DCT: variants seen among roughly 807,000 people sequenced by gnomAD.
The protein encoded by DCT is dopachrome tautomerase.
In DCT, 47 loss-of-function variants were observed where a neutral mutation model predicts 53.0. The observed-to-expected ratio is 0.89, with a 90% CI of 0.70 to 1.13. DCT has a LOEUF of 1.13. Among genes scored for constraint, DCT ranks in the 50% most tolerant of loss-of-function variants. The pLI is 0.00. For missense variants in DCT, 669 were observed against 637.4 expected (o/e 1.05, Z -0.53); for synonymous variants, 244 against 237.0 (o/e 1.03, Z -0.27).
At chr13:94,440,273 T>C (rs575559071) in intron 7 of DCT, among the ~76,000 whole-genome samples, 197 bp from the exon 8 acceptor site, 4 of 152,236 alleles carry the variant, frequency 2.6e-5, no homozygotes, top group Admixed American at 2.6e-4. Context: ...TAGTCAGAAC[T>C]GGCATCCCAT....
the DCT span, among the ~76,000 whole-genome samples, chr13:94,526,842 G>A: frequency 6.6e-6 from 1 of 152,122 alleles, no homozygotes; most frequent in Non-Finnish European, 1.5e-5. Context: ...GAAACACCAG[G>A]GGTCTAGGGA....
chr13:94,529,591 A>G, the DCT span, among the ~76,000 whole-genome samples: 2 of 152,334 alleles, frequency 1.3e-5, no homozygotes, highest in Middle Eastern at 3.4e-3. Context: ...TTTGAAACCA[A>G]TGAGAACAAA....
At chr13:94,493,249 T>C in the DCT span, among the ~76,000 whole-genome samples, 1 of 152,094 alleles carries the variant, frequency 6.6e-6, no homozygotes, top group Non-Finnish European at 1.5e-5. Flanking sequence ...AAATTTAGAC[T>C]TCTACAGGAT....
the DCT span, among the ~76,000 whole-genome samples, chr13:94,535,906 C>T: frequency 3.9e-5 from 6 of 152,232 alleles, no homozygotes; most frequent in African/African-American, 9.6e-5. Flanking sequence ...TTTCCCTCTT[C>T]GAGGAAGAAT....
At position 94,465,654 on chromosome 13, in the gene DCT, C is replaced by A. The variant is rs1884130529; in HGVS notation, c.842G>T (p.Ser281Ile). The A allele has an allele frequency of 6.2e-7, 1 of 1,613,528 alleles. No individual in the cohort carries two copies. Among genetic ancestry groups the A allele is most frequent in the Non-Finnish European group, 8.5e-7 (1 of 1,179,784 alleles). The stretch of plus-strand genomic sequence containing the variant: ...TTACCTATCACAGACAGTTTCCCAG[C>A]TGGAGAATCTTGAGTTCCGACTAAT... ...TLISRNSRFS[S>I]WETVCDSLDD... is the part of the protein sequence containing the mutation. The change falls in exon 4 of 8, where the codon AGC (serine) becomes ATC (isoleucine). Residue 281 changes from serine to isoleucine, a missense_variant. Physicochemically the swap from Ser to Ile is moderately radical, Grantham distance 142. Coordinates refer to ENST00000377028, the MANE Select transcript of DCT (RefSeq NM_001922.5).
chr13:94,528,551 G>A, the DCT span, among the ~76,000 whole-genome samples: 1 of 152,186 alleles, frequency 6.6e-6, no homozygotes, highest in South Asian at 2.1e-4. Flanking sequence ...AGCTTCATAA[G>A]TGAAGGAGAA....
At chr13:94,492,524 T>A in the DCT span, among the ~76,000 whole-genome samples, 4 of 152,192 alleles carry the variant, frequency 2.6e-5, no homozygotes, top group Non-Finnish European at 5.9e-5. Context: ...ATACCTAATA[T>A]CTAACACAGT....
chr13:94,477,661 A>T (rs959175027), intron 1 of DCT, among the ~76,000 whole-genome samples: 1 of 8,368 alleles, frequency 1.2e-4, no homozygotes, highest in Non-Finnish European at 4.4e-4. Context: ...AGTTAAAATT[A>T]AAAAAAAAAA....
upstream of DCT, among the ~76,000 whole-genome samples, chr13:94,480,414 T>C (rs1436567937): frequency 6.6e-6 from 1 of 152,186 alleles, no homozygotes; most frequent in African/African-American, 2.4e-5. Flanking sequence ...ATCCATTTAT[T>C]TTTTCACAGT....
chr13:94,516,504 C>G, the DCT span, among the ~76,000 whole-genome samples: 4 of 152,024 alleles, frequency 2.6e-5, no homozygotes, highest in Non-Finnish European at 5.9e-5. Flanking sequence ...TAGGAGACAA[C>G]CTGCTATGGT....
chr13:94,458,456 C>T (rs1004174613), intron 6 of DCT, among the ~76,000 whole-genome samples: 6 of 152,020 alleles, frequency 3.9e-5, no homozygotes, highest in Admixed American at 3.3e-4. Context: ...AGCCCTGACT[C>T]GTATTTCCCC....
At chr13:94,452,946 T>C (rs1883191386) in intron 6 of DCT, among the ~76,000 whole-genome samples, 1 of 152,150 alleles carries the variant, frequency 6.6e-6, no homozygotes, top group South Asian at 2.1e-4. Context: ...TATTGTTTGC[T>C]GGAAGATGGT....
chr13:94,547,984 A>AAAAAAAAAAAATAT, the DCT span, among the ~76,000 whole-genome samples: 1 of 65,844 alleles, frequency 1.5e-5, no homozygotes, highest in African/African-American at 1.3e-4. Flanking sequence ...AAAAAAAAAA[A>AAAAAAAAAAAATAT]ATATATATAT....
At chr13:94,495,744 A>G in the DCT span, among the ~76,000 whole-genome samples, 19 of 152,350 alleles carry the variant, frequency 1.2e-4, no homozygotes, top group African/African-American at 4.3e-4. Flanking sequence ...AGGATGTACT[A>G]TCTCAAAGGG....
At chr13:94,494,580 A>G in the DCT span, among the ~76,000 whole-genome samples, 1 of 152,052 alleles carries the variant, frequency 6.6e-6, no homozygotes, top group Admixed American at 6.5e-5. Flanking sequence ...TTAACCCTTT[A>G]CTCGCTAGCC....
At chr13:94,488,719 TATATACACACAC>T in the DCT span, among the ~76,000 whole-genome samples, 280 of 83,596 alleles carry the variant, frequency 3.3e-3, 4 homozygotes, top group African/African-American at 0.013. Context: ...TCTTGTCTAA[TATATACACACAC>T]ACACACACAC....
chr13:94,444,887 C>G (rs1882618405), intron 6 of DCT, among the ~76,000 whole-genome samples: 1 of 152,206 alleles, frequency 6.6e-6, no homozygotes, highest in African/African-American at 2.4e-5. Flanking sequence ...TCCTTAAGGT[C>G]TAAGATAAGG....
intron 4 of DCT, among the ~76,000 whole-genome samples, chr13:94,464,243 A>C (rs74103935): frequency 6.6e-6 from 1 of 152,222 alleles, no homozygotes; most frequent in Non-Finnish European, 1.5e-5. Context: ...ATGCAGGCTC[A>C]GGGTGTTGGC....
chr13:94,504,013 C>G, the DCT span, among the ~76,000 whole-genome samples: 1 of 152,106 alleles, frequency 6.6e-6, no homozygotes, highest in African/African-American at 2.4e-5. Context: ...TATGTTGTTG[C>G]TTGGTGAACT....
Sources: gnomAD v4.1 joint callset for allele counts (sites outside exome capture counted in the v4.1 genomes callset) on GRCh38, gnomAD v4.1.1 for gene constraint, MANE v1.5 for transcripts, NCBI Gene and HGNC (gene_info 2026-07-23, HGNC 2026-07-21) for gene names.